Variants in GADL1 observed in about 807,000 individuals in gnomAD.
GADL1 encodes the protein GAD like acidic amino acid decarboxylase 1, also known as acidic amino acid decarboxylase GADL1.
Under a neutral mutation model 69.5 loss-of-function variants are expected in GADL1, and 71 were observed. That is an observed-to-expected ratio of 1.02 (90% CI 0.84 to 1.25). The LOEUF is 1.25. Ranked by LOEUF, GADL1 falls within the 50% of genes most tolerant of loss-of-function variation. The probability of loss-of-function intolerance (pLI) is 0.00; values close to 1 mark genes in which losing one functional copy is unlikely to be tolerated. For synonymous variants in GADL1, 254 were observed against 214.4 expected (o/e 1.18, Z -1.62); for missense variants, 737 against 631.8 (o/e 1.17, Z -1.79).
chr3:30,873,185 A>C (rs1434500045), intron 1 of GADL1, among the ~76,000 whole-genome samples: 1 of 151,982 alleles, frequency 6.6e-6, no homozygotes, highest in African/African-American at 2.4e-5. Flanking sequence ...TAAATGAAAC[A>C]AAAATATAAT....
intron 14 of GADL1, among the ~76,000 whole-genome samples, chr3:30,771,373 C>T (rs1366814647): frequency 6.6e-6 from 1 of 152,096 alleles, no homozygotes; most frequent in Non-Finnish European, 1.5e-5. Context: ...CTTAAAACAA[C>T]ATTTTATCTT....
rs71093938 is a variant in GADL1, at chr3:30,785,382, C to CTT, written c.1302+971_1302+972dup. On this transcript the variant is annotated intron_variant, in intron 13 of 14. Transcript: ENST00000282538. ...TACCAAAAAAGCTAGATTTCTTTTTCTTTTTTTTTTTTTCCCCCCGAGACA... is the reference window on the plus strand; with the variant it reads ...TACCAAAAAAGCTAGATTTCTTTTTCTTTTTTTTTTTTTTTCCCCCCGAGACA... Among the ~76,000 whole-genome samples, 315 of 124,456 alleles carry CTT rather than the reference C, an allele frequency of 2.5e-3. 2 individuals are homozygous for CTT. The highest frequency in any genetic ancestry group is 0.023 in the South Asian group (87 of 3,856). The allele number at this position is 124,456 out of a possible 152,430, so 81.6% of individuals were successfully genotyped here. A position where few individuals can be genotyped will look rare whatever the true frequency, so the allele number is the denominator to read the frequency against.
intron 12 of GADL1, among the ~76,000 whole-genome samples, chr3:30,795,072 C>T (rs552074462): frequency 6.6e-6 from 1 of 152,256 alleles, no homozygotes; most frequent in East Asian, 1.9e-4. Context: ...AAACAATCAT[C>T]ACGTGCAGCT....
In GADL1 at chr3:30,756,793, C is replaced by CT. The variant is rs1441596184; in HGVS notation, c.1392+21385_1392+21386insA. On this transcript the variant is annotated intron_variant, in intron 14 of 14. Coordinates refer to ENST00000282538, the MANE Select transcript of GADL1 (RefSeq NM_207359.3). ...ATCCAGCAGAGCTCCCTACCTGACC[C>CT]ATAGCTGATGGCTTGTCTCTCTTAC... Among the ~76,000 whole-genome samples, 3 of 152,244 alleles carry CT rather than the reference C, an allele frequency of 2.0e-5. No individual in the cohort carries two copies. The East Asian group carries it at 5.8e-4, about 29-fold the overall frequency.
chr3:30,850,983 C>CA, intron 4 of GADL1, 42 bp from the exon 5 acceptor site: 2 of 1,163,236 alleles, frequency 1.7e-6, no homozygotes, highest in Non-Finnish European at 2.5e-6. Flanking sequence ...TGACTAGAGT[C>CA]AAAACATTCC....
chr3:30,862,942 A>T (rs932798711), intron 1 of GADL1, among the ~76,000 whole-genome samples: 39 of 151,878 alleles, frequency 2.6e-4, no homozygotes, highest in African/African-American at 8.9e-4. Flanking sequence ...AAGAAATGTA[A>T]ATGTAACCTA....
At chr3:30,880,885 TA>T (rs879427669) in intron 1 of GADL1, among the ~76,000 whole-genome samples, 9 of 151,882 alleles carry the variant, frequency 5.9e-5, no homozygotes, top group Non-Finnish European at 1.2e-4. Context: ...AGAAAGCTCC[TA>T]AAAAATTATA....
At chr3:30,812,891 T>G (rs112925697) in intron 11 of GADL1, among the ~76,000 whole-genome samples, 2,948 of 151,504 alleles carry the variant, frequency 0.019, 99 homozygotes, top group African/African-American at 0.069. Context: ...AGAAGAGAGA[T>G]AGAAGTGAGG....
intron 14 of GADL1, among the ~76,000 whole-genome samples, chr3:30,754,432 C>T (rs1336281909): frequency 4.6e-5 from 7 of 152,022 alleles, no homozygotes; most frequent in South Asian, 4.2e-4. Context: ...AGCATGAATC[C>T]TAAAGGGATA....
chr3:30,795,316 C>A (rs1697010506), intron 12 of GADL1, among the ~76,000 whole-genome samples: 1 of 152,082 alleles, frequency 6.6e-6, no homozygotes, highest in African/African-American at 2.4e-5. Context: ...GGTTAGAAGA[C>A]TGAAAGAGTT....
intron 8 of GADL1, among the ~76,000 whole-genome samples, chr3:30,843,695 C>T (rs1024014148): frequency 1.3e-5 from 2 of 152,154 alleles, no homozygotes; most frequent in Non-Finnish European, 2.9e-5. Context: ...GATGTTCTGT[C>T]ACTGAACTAC....
At chr3:30,816,691 G>A (rs1022303317) in intron 11 of GADL1, among the ~76,000 whole-genome samples, 7 of 151,468 alleles carry the variant, frequency 4.6e-5, no homozygotes, top group South Asian at 4.2e-4. Context: ...GACTACAGGC[G>A]CATGCCACCA....
chr3:30,785,060 C>T (rs374329835), intron 13 of GADL1, among the ~76,000 whole-genome samples: 1 of 152,126 alleles, frequency 6.6e-6, no homozygotes, highest in South Asian at 2.1e-4. Context: ...CTTAAAATCC[C>T]CTACCCAGAT....
chr3:30,769,944 A>AT (rs547136343), intron 14 of GADL1, among the ~76,000 whole-genome samples: 3 of 43,794 alleles, frequency 6.9e-5, no homozygotes, highest in African/African-American at 2.5e-4. Context: ...TAGGTAAGAT[A>AT]TTACACATTT....
rs530228325 is a variant in GADL1, at chr3:30,801,370, A to G, written c.1051-282T>C. ...AAGACCATGTCATTATCATTATGAC[A>G]TCAAGGTGGCCCAGTTTTTCAGTGT... On this transcript the variant is annotated intron_variant, in intron 11 of 14. Coordinates refer to ENST00000282538, the MANE Select transcript of GADL1 (RefSeq NM_207359.3). Among the ~76,000 whole-genome samples, 26 of 152,298 alleles carry G rather than the reference A, an allele frequency of 1.7e-4. No homozygotes were observed. In the South Asian group the frequency reaches 5.4e-3, roughly 32 times the overall value.
At chr3:30,821,319 TAAAGTA>T (rs963919565) in intron 11 of GADL1, among the ~76,000 whole-genome samples, 1 of 151,066 alleles carries the variant, frequency 6.6e-6, no homozygotes, top group African/African-American at 2.5e-5. Context: ...CCCTAAAACT[TAAAGTA>T]TAATAATAAT....
chr3:30,849,088 A>C (rs981576643), intron 6 of GADL1, among the ~76,000 whole-genome samples: 1 of 152,100 alleles, frequency 6.6e-6, no homozygotes, highest in Admixed American at 6.6e-5. Context: ...TTATACCTGC[A>C]CCATTGCCAT....
chr3:30,832,200 T>C (rs1697803921), intron 11 of GADL1, among the ~76,000 whole-genome samples: 1 of 151,872 alleles, frequency 6.6e-6, no homozygotes, highest in South Asian at 2.1e-4. Flanking sequence ...AAAACGGTCT[T>C]TTCATTAAAA....
intron 11 of GADL1, among the ~76,000 whole-genome samples, chr3:30,804,162 ATCT>A (rs1196971371): frequency 6.6e-6 from 1 of 152,180 alleles, no homozygotes; most frequent in Admixed American, 6.5e-5. Flanking sequence ...GTCATATATA[ATCT>A]TCAGGCACAG....
Sources: gnomAD v4.1 joint callset for allele counts (sites outside exome capture counted in the v4.1 genomes callset) on GRCh38, gnomAD v4.1.1 for gene constraint, MANE v1.5 for transcripts, NCBI Gene and HGNC (gene_info 2026-07-23, HGNC 2026-07-21) for gene names.